ARHGEF3: variants seen among roughly 807,000 people sequenced by gnomAD.
The protein encoded by ARHGEF3 is 59.8 kDA protein.
Under a neutral mutation model 63.2 loss-of-function variants are expected in ARHGEF3, and 28 were observed. That is an observed-to-expected ratio of 0.44 (90% confidence interval 0.33 to 0.61). The LOEUF (loss-of-function observed/expected upper bound fraction) is 0.61. ARHGEF3 is among the 20% of genes least tolerant of loss of function. ARHGEF3 has a pLI of 0.03. For synonymous variants in ARHGEF3, 266 were observed against 254.2 expected (o/e 1.05, Z -0.44); for missense variants, 533 against 659.3 (o/e 0.81, Z 2.10).
At chr3:56,899,819 C>T (rs1417661715) in intron 3 of ARHGEF3, among the ~76,000 whole-genome samples, 1 of 152,196 alleles carries the variant, frequency 6.6e-6, no homozygotes, top group Non-Finnish European at 1.5e-5. Context: ...AGGGACGCCT[C>T]CTTTTTCCCA....
At chr3:56,945,321 T>C (rs1300696254) in intron 3 of ARHGEF3, among the ~76,000 whole-genome samples, 6 of 151,850 alleles carry the variant, frequency 4.0e-5, no homozygotes, top group African/African-American at 1.2e-4. Flanking sequence ...GGGTGAGGCA[T>C]TGCCTCACCC....
chr3:56,919,763 G>A lies in ARHGEF3; in HGVS notation c.130-37409C>T, dbSNP rs73833775. ...ATTTTCCCACGTGATCCTCACAACA[G>A]TCCCAAAGTAGGCCTTATTATTATC... On this transcript the variant is annotated intron_variant, in intron 3 of 12. Transcript: ENST00000338458. Among the ~76,000 whole-genome samples, 1,143 of 152,276 alleles carry A rather than the reference G, an allele frequency of 7.5e-3. 15 individuals are homozygous for A. Among genetic ancestry groups the A allele is most frequent in the South Asian group, 0.023 (110 of 4,818 alleles).
chr3:57,062,010 C>A (rs781012771), intron 1 of ARHGEF3, among the ~76,000 whole-genome samples: 1 of 152,124 alleles, frequency 6.6e-6, no homozygotes, highest in Non-Finnish European at 1.5e-5. Flanking sequence ...AGGGTTTCCA[C>A]ATCTTTCCTT....
chr3:56,769,908 A>G (rs2035914389), intron 2 of ARHGEF3, among the ~76,000 whole-genome samples: 1 of 152,212 alleles, frequency 6.6e-6, no homozygotes, highest in South Asian at 2.1e-4. Flanking sequence ...TCATTTTTGG[A>G]ATAGAAAAGG....
chr3:56,833,964 T>C (rs2039018296), intron 4 of ARHGEF3, among the ~76,000 whole-genome samples: 1 of 147,302 alleles, frequency 6.8e-6, no homozygotes, highest in Non-Finnish European at 1.5e-5. Flanking sequence ...AGTGCAATGG[T>C]GTGATCTCGG....
chr3:56,976,136 C>T (rs1284632661), intron 2 of ARHGEF3, among the ~76,000 whole-genome samples: 1 of 151,978 alleles, frequency 6.6e-6, no homozygotes, highest in Non-Finnish European at 1.5e-5. Flanking sequence ...CCACCTCCTG[C>T]GTTCAAGCAA....
chr3:56,872,761 G>GC (rs2040471641), intron 4 of ARHGEF3, among the ~76,000 whole-genome samples: 1 of 152,140 alleles, frequency 6.6e-6, no homozygotes, highest in African/African-American at 2.4e-5. Context: ...ACCCGCCTCA[G>GC]CCTCCTAACG....
intron 2 of ARHGEF3, among the ~76,000 whole-genome samples, chr3:56,762,594 G>A (rs768060153): frequency 3.9e-5 from 6 of 152,240 alleles, no homozygotes; most frequent in Admixed American, 2.0e-4. Flanking sequence ...CCTGTTCAGC[G>A]GAGTCCTCCC....
chr3:56,973,168 C>G (rs576366315), intron 2 of ARHGEF3, among the ~76,000 whole-genome samples: 2 of 152,072 alleles, frequency 1.3e-5, no homozygotes, highest in African/African-American at 4.8e-5. Context: ...AGGCACCCGC[C>G]ACCACGCCCG....
At chr3:56,793,888 T>G (rs1157174275) in intron 1 of ARHGEF3, among the ~76,000 whole-genome samples, 1 of 152,238 alleles carries the variant, frequency 6.6e-6, no homozygotes, top group Non-Finnish European at 1.5e-5. Context: ...ACTTCTCTTG[T>G]CTAAAGAAGC....
intron 1 of ARHGEF3, 119 bp from the exon 2 acceptor site, chr3:56,773,935 T>TATAA: frequency 1.2e-6 from 1 of 801,392 alleles, no homozygotes; most frequent in Non-Finnish European, 1.9e-6. Flanking sequence ...ATCTATGGAA[T>TATAA]ATAAAGTGTC....
intron 6 of ARHGEF3, among the ~76,000 whole-genome samples, chr3:56,746,728 T>C (rs573430469): frequency 6.6e-6 from 1 of 150,600 alleles, no homozygotes; most frequent in Non-Finnish European, 1.5e-5. Flanking sequence ...AGACTCTGTC[T>C]CAAAAAAAAA....
chr3:56,907,170 AG>A (rs542362940), intron 3 of ARHGEF3, among the ~76,000 whole-genome samples: 25 of 151,964 alleles, frequency 1.6e-4, no homozygotes, highest in African/African-American at 6.0e-4. Flanking sequence ...CAGTAGAGAC[AG>A]GGTTTCACCA....
chr3:56,879,605 A>G (rs1411722513), intron 4 of ARHGEF3, among the ~76,000 whole-genome samples: 1 of 152,070 alleles, frequency 6.6e-6, no homozygotes, highest in Non-Finnish European at 1.5e-5. Context: ...TTACTTTCCC[A>G]AACCCTCGCA....
At chr3:57,035,682 G>C (rs559433242) in intron 1 of ARHGEF3, among the ~76,000 whole-genome samples, 103 of 152,352 alleles carry the variant, frequency 6.8e-4, no homozygotes, top group African/African-American at 2.4e-3. Flanking sequence ...CCTGCAGGGA[G>C]ATATAGCCAA....
At chr3:56,897,231 G>A (rs970013040) in intron 3 of ARHGEF3, among the ~76,000 whole-genome samples, 7 of 152,186 alleles carry the variant, frequency 4.6e-5, no homozygotes, top group Admixed American at 3.3e-4. Context: ...GACTTGGCTA[G>A]GGAGAGCCCT....
At chr3:56,977,592 T>C (rs1181100188) in intron 2 of ARHGEF3, among the ~76,000 whole-genome samples, 2 of 152,128 alleles carry the variant, frequency 1.3e-5, no homozygotes, top group Non-Finnish European at 2.9e-5. Flanking sequence ...TGGACACATC[T>C]GGACCAGGCC....
chr3:56,880,988 T>A (rs1483221463), intron 4 of ARHGEF3, among the ~76,000 whole-genome samples: 1 of 152,150 alleles, frequency 6.6e-6, no homozygotes, highest in East Asian at 1.9e-4. Context: ...GCTCGCTCCA[T>A]CATGGCTGGT....
At chr3:56,895,100 C>G (rs1444348071) in intron 3 of ARHGEF3, among the ~76,000 whole-genome samples, 1 of 152,140 alleles carries the variant, frequency 6.6e-6, no homozygotes, top group Non-Finnish European at 1.5e-5. Flanking sequence ...CCCTCCCTCC[C>G]TGTAATTTGG....
Sources: gnomAD v4.1 joint callset for allele counts (sites outside exome capture counted in the v4.1 genomes callset) on GRCh38, gnomAD v4.1.1 for gene constraint, MANE v1.5 for transcripts, NCBI Gene and HGNC (gene_info 2026-07-23, HGNC 2026-07-21) for gene names.